GRM5: variants seen among roughly 807,000 people sequenced by gnomAD.
The protein encoded by GRM5 is metabotropic glutamate receptor 5.
A neutral mutation model predicts 83.1 loss-of-function variants in GRM5; 19 were observed. The ratio of observed to expected loss-of-function variants is 0.23; its 90% CI spans 0.16 to 0.34. The LOEUF is 0.34. Among genes scored for constraint, GRM5 ranks in the 10% least tolerant of loss-of-function variants. The probability of loss-of-function intolerance (pLI) is 1.00; values close to 1 mark genes in which losing one functional copy is unlikely to be tolerated. For missense variants in GRM5, 1,160 were observed against 1,588.3 expected, an observed-to-expected ratio of 0.73 and a Z score of 4.58; for synonymous variants, 675 against 633.6, an observed-to-expected ratio of 1.07 and a Z score of -0.98.
At chr11:89,003,828 G>T (rs1298224677) in intron 2 of GRM5, among the ~76,000 whole-genome samples, 3 of 152,190 alleles carry the variant, frequency 2.0e-5, no homozygotes, top group Non-Finnish European at 4.4e-5. Flanking sequence ...ATCCAGCCCT[G>T]TTGAGTGGCC....
At chr11:88,722,998 C>T (rs1322147364) in intron 3 of GRM5, among the ~76,000 whole-genome samples, 1 of 151,998 alleles carries the variant, frequency 6.6e-6, no homozygotes, top group Non-Finnish European at 1.5e-5. Context: ...CCTAAAAATC[C>T]CCTGTGCCCT....
chr11:88,704,907 C>T (rs560266504), intron 3 of GRM5, among the ~76,000 whole-genome samples: 131 of 152,128 alleles, frequency 8.6e-4, no homozygotes, highest in African/African-American at 3.0e-3. Context: ...AATGCATGGT[C>T]TCACTTCATA....
chr11:88,838,996 T>C (rs1944144003), intron 3 of GRM5, among the ~76,000 whole-genome samples: 1 of 152,124 alleles, frequency 6.6e-6, no homozygotes, highest in Non-Finnish European at 1.5e-5. Flanking sequence ...TTAAGCTATA[T>C]CTGCCCCAAC....
At chr11:88,675,448 G>A (rs559543548) in intron 3 of GRM5, among the ~76,000 whole-genome samples, 19 of 151,884 alleles carry the variant, frequency 1.3e-4, no homozygotes, top group Non-Finnish European at 2.1e-4. Context: ...TTATGCTGAG[G>A]TTTAGGCTCA....
intron 3 of GRM5, among the ~76,000 whole-genome samples, chr11:88,719,150 A>G (rs934525806): frequency 1.3e-5 from 2 of 151,692 alleles, no homozygotes; most frequent in Admixed American, 1.3e-4. Context: ...TGTTGTATAG[A>G]TTATTTCATC....
chr11:89,000,351 A>C (rs1940337098), intron 2 of GRM5, among the ~76,000 whole-genome samples: 1 of 152,190 alleles, frequency 6.6e-6, no homozygotes, highest in Admixed American at 6.6e-5. Context: ...AATATGTTAT[A>C]CTGGCAGAGG....
At chr11:88,595,287 C>T (rs558650598) in intron 6 of GRM5, among the ~76,000 whole-genome samples, 1 of 152,116 alleles carries the variant, frequency 6.6e-6, no homozygotes, top group African/African-American at 2.4e-5. Flanking sequence ...CTATTTGAAA[C>T]TATAGATTAC....
At chr11:89,011,229 C>A (rs1239358257) in intron 2 of GRM5, among the ~76,000 whole-genome samples, 1 of 151,896 alleles carries the variant, frequency 6.6e-6, no homozygotes, top group Non-Finnish European at 1.5e-5. Context: ...TTCTGTAATT[C>A]TTCATGAGCT....
intron 3 of GRM5, among the ~76,000 whole-genome samples, chr11:88,816,037 C>A (rs1176699811): frequency 2.1e-5 from 3 of 145,128 alleles, no homozygotes; most frequent in Admixed American, 1.4e-4. Context: ...CAAGGTGAAA[C>A]CCCGTCTCTA....
intron 2 of GRM5, among the ~76,000 whole-genome samples, chr11:88,994,470 T>TATATATA (rs1940108012): frequency 9.2e-6 from 1 of 109,108 alleles, no homozygotes. Flanking sequence ...TATATATATA[T>TATATATA]ATATATATAT....
intron 2 of GRM5, among the ~76,000 whole-genome samples, chr11:88,917,433 T>C (rs1440246667): frequency 2.6e-5 from 4 of 152,166 alleles, no homozygotes; most frequent in East Asian, 1.9e-4. Flanking sequence ...TGTCCAGACA[T>C]TGACAAACAT....
chr11:88,931,463 T>G lies in GRM5; in HGVS notation c.662-81308A>C, dbSNP rs1201599775. On this transcript the variant is annotated intron_variant, in intron 2 of 9. Transcript: ENST00000305447. ...AGTAAAAAAAAAAAATCATCCTAAT[T>G]AGAGAGATTAAGGAAGGTGCAAACA... Among the ~76,000 whole-genome samples, 3 of 150,394 alleles carry G rather than the reference T, an allele frequency of 2.0e-5. No homozygotes were observed. The East Asian group carries it at 5.9e-4, about 29-fold the overall frequency.
At chr11:89,064,491 A>G (rs1329892876) in intron 1 of GRM5, among the ~76,000 whole-genome samples, 1 of 152,094 alleles carries the variant, frequency 6.6e-6, no homozygotes, top group Non-Finnish European at 1.5e-5. Flanking sequence ...GATCTTGCCA[A>G]CTGCCTTTAG....
chr11:88,554,489 C>T (rs1331329881), intron 8 of GRM5, among the ~76,000 whole-genome samples: 2 of 152,138 alleles, frequency 1.3e-5, no homozygotes, highest in African/African-American at 2.4e-5. Flanking sequence ...TTATTCTATC[C>T]TATTACTTCC....
chr11:88,890,513 A>G (rs1053568046), intron 2 of GRM5, among the ~76,000 whole-genome samples: 2 of 152,206 alleles, frequency 1.3e-5, no homozygotes, highest in Non-Finnish European at 2.9e-5. Context: ...ATTGGCTTAA[A>G]AAATAGTGCT....
chr11:88,959,081 G>A (rs1205072766), intron 2 of GRM5, among the ~76,000 whole-genome samples: 1 of 151,948 alleles, frequency 6.6e-6, no homozygotes, highest in Non-Finnish European at 1.5e-5. Flanking sequence ...AGAGATATAT[G>A]GCATTTTAAT....
At chr11:88,985,926 T>C (rs1351633004) in intron 2 of GRM5, among the ~76,000 whole-genome samples, 2 of 152,174 alleles carry the variant, frequency 1.3e-5, no homozygotes, top group Admixed American at 6.5e-5. Flanking sequence ...TAAAATAGTA[T>C]GTCCAACTCT....
At chr11:89,044,984 T>G (rs1941612961) in intron 2 of GRM5, among the ~76,000 whole-genome samples, 1 of 152,190 alleles carries the variant, frequency 6.6e-6, no homozygotes, top group Admixed American at 6.5e-5. Context: ...ATTCTTGTAC[T>G]GATAAATCAT....
intron 2 of GRM5, among the ~76,000 whole-genome samples, chr11:88,983,061 C>G (rs903274114): frequency 7.0e-6 from 1 of 141,982 alleles, no homozygotes; most frequent in Non-Finnish European, 1.5e-5. Context: ...AGCGAAACTC[C>G]GTCACACACA....
Sources: allele counts gnomAD v4.1 joint callset (sites outside exome capture counted in the v4.1 genomes callset), GRCh38; gene constraint gnomAD v4.1.1; transcripts MANE v1.5; gene names NCBI Gene and HGNC (gene_info 2026-07-23, HGNC 2026-07-21).